CREB5: variants seen among roughly 807,000 people sequenced by gnomAD.
The protein encoded by CREB5 is cAMP responsive element binding protein 5.
Under a neutral mutation model 57.1 loss-of-function variants are expected in CREB5, and 19 were observed. The ratio of observed to expected loss-of-function variants is 0.33; its 90% CI spans 0.23 to 0.49. The LOEUF (loss-of-function observed/expected upper bound fraction) is 0.49, where lower values mean the gene tolerates loss of function less well. Ranked by LOEUF, CREB5 falls within the 20% of genes least tolerant of loss-of-function variation. The pLI, the probability that CREB5 is intolerant of heterozygous loss-of-function variation, is 0.99. For synonymous variants in CREB5, 238 were observed against 238.3 expected (o/e 1.00, Z 0.01); for missense variants, 579 against 671.6 (o/e 0.86, Z 1.52).
chr7:28,673,216 C>G (rs1176130228), intron 5 of CREB5, among the ~76,000 whole-genome samples: 1 of 152,156 alleles, frequency 6.6e-6, no homozygotes, highest in Non-Finnish European at 1.5e-5. Context: ...CTCAAATCTT[C>G]CATTTGTTTG....
chr7:28,665,400 A>G (rs1455799077), intron 5 of CREB5, among the ~76,000 whole-genome samples: 1 of 152,200 alleles, frequency 6.6e-6, no homozygotes, highest in Non-Finnish European at 1.5e-5. Context: ...CCAAACAGTA[A>G]TGAGTCCAAA....
chr7:28,676,160 T>A (rs41346), intron 5 of CREB5, among the ~76,000 whole-genome samples: 1 of 152,080 alleles, frequency 6.6e-6, no homozygotes, highest in African/African-American at 2.4e-5. Flanking sequence ...AAAGAACTAG[T>A]TAGGAGGCCT....
chr7:28,338,008 A>G (rs777188727), intron 1 of CREB5, among the ~76,000 whole-genome samples: 1 of 152,110 alleles, frequency 6.6e-6, no homozygotes, highest in Non-Finnish European at 1.5e-5. Flanking sequence ...AAAATTCTAC[A>G]CTTAACTTCA....
At chr7:28,607,744 TGTGTGTGTGTG>T (rs1797200033) in intron 5 of CREB5, among the ~76,000 whole-genome samples, 8 of 8,144 alleles carry the variant, frequency 9.8e-4, no homozygotes, top group Non-Finnish European at 3.1e-3. Flanking sequence ...GCTGTGTGTG[TGTGTGTGTGTG>T]TGTGTGTGTG....
intron 6 of CREB5, 77 bp from the exon 7 acceptor site, chr7:28,724,145 G>C: frequency 8.0e-7 from 1 of 1,249,556 alleles, no homozygotes; most frequent in Non-Finnish European, 1.1e-6. Context: ...CGATCCATTG[G>C]ACAGAAAAGT....
intron 7 of CREB5, among the ~76,000 whole-genome samples, chr7:28,731,358 T>C (rs1232493883): frequency 1.3e-5 from 2 of 152,234 alleles, no homozygotes; most frequent in Non-Finnish European, 2.9e-5. Flanking sequence ...GAATAAGTTC[T>C]TACAGAGTTT....
At chr7:28,363,770 C>A (rs1393741120) in intron 1 of CREB5, among the ~76,000 whole-genome samples, 1 of 152,168 alleles carries the variant, frequency 6.6e-6, no homozygotes, top group East Asian at 1.9e-4. Flanking sequence ...CATTACCTAG[C>A]TAGGGGACTC....
At chr7:28,521,263 G>A (rs537712415) in intron 4 of CREB5, among the ~76,000 whole-genome samples, 6 of 152,348 alleles carry the variant, frequency 3.9e-5, no homozygotes, top group African/African-American at 1.2e-4. Context: ...TCGGAAGGCC[G>A]TGGATTGGTC....
At chr7:28,363,120 A>T (rs1490708390) in intron 1 of CREB5, among the ~76,000 whole-genome samples, 1 of 152,214 alleles carries the variant, frequency 6.6e-6, no homozygotes, top group Admixed American at 6.5e-5. Context: ...TATGGATGAC[A>T]TTAGTAGAGC....
intron 3 of CREB5, among the ~76,000 whole-genome samples, chr7:28,500,968 G>A (rs1300056031): frequency 6.6e-6 from 1 of 152,076 alleles, no homozygotes; most frequent in Non-Finnish European, 1.5e-5. Context: ...TGCACCAGAG[G>A]GCAGCATGGT....
intron 1 of CREB5, among the ~76,000 whole-genome samples, chr7:28,309,180 C>G (rs1373339172): frequency 6.6e-6 from 1 of 152,142 alleles, no homozygotes; most frequent in East Asian, 1.9e-4. Context: ...TTGCCAGCCT[C>G]CATTATCATG....
chr7:28,704,279 G>A (rs1801999925), intron 5 of CREB5, among the ~76,000 whole-genome samples: 1 of 152,124 alleles, frequency 6.6e-6, no homozygotes, highest in Admixed American at 6.5e-5. Flanking sequence ...TACCTGTCAC[G>A]ATTCCTGGTT....
chr7:28,612,774 C>T (rs1166226592), intron 5 of CREB5, among the ~76,000 whole-genome samples: 2 of 152,040 alleles, frequency 1.3e-5, no homozygotes, highest in African/African-American at 4.8e-5. Flanking sequence ...CAGAAATTAC[C>T]TGTCAGTAGG....
rs2128624449 is a variant in CREB5, at chr7:28,535,284, G to T, written c.291+27547G>T. Reference sequence around the variant, plus strand: ...TACTGGCTGCAAATAGTCCTCTGTGGTTAAACCAATTTCTTTAGGAAAAGT... The same window carrying T: ...TACTGGCTGCAAATAGTCCTCTGTGTTTAAACCAATTTCTTTAGGAAAAGT... On this transcript the variant is annotated intron_variant, in intron 4 of 10. Coordinates refer to ENST00000357727, the MANE Select transcript of CREB5 (RefSeq NM_182898.4). Among the ~76,000 whole-genome samples the T allele has an allele frequency of 1.5e-5, 2 of 129,276 alleles. 1 individual carries two copies. Among genetic ancestry groups the T allele is most frequent in the South Asian group, 5.6e-4 (2 of 3,540 alleles). 84.8% of individuals were successfully genotyped at this position (129,276 alleles called of 152,430 possible).
At chr7:28,775,564 A>ATATATATATATATATATATATC in intron 7 of CREB5, among the ~76,000 whole-genome samples, 1 of 142,714 alleles carries the variant, frequency 7.0e-6, no homozygotes, top group African/African-American at 2.5e-5. Flanking sequence ...ATATATATAT[A>ATATATATATATATATATATATC]TTAGCGTATT....
At chr7:28,363,071 T>C (rs1562675514) in intron 1 of CREB5, among the ~76,000 whole-genome samples, 1 of 152,312 alleles carries the variant, frequency 6.6e-6, no homozygotes, top group Non-Finnish European at 1.5e-5. Context: ...GAAGCAGCCA[T>C]TGTGTATCAC....
chr7:28,312,191 T>A (rs117680705), intron 1 of CREB5, among the ~76,000 whole-genome samples: 9 of 147,302 alleles, frequency 6.1e-5, no homozygotes, highest in Non-Finnish European at 7.5e-5. Flanking sequence ...AGCTAATTGA[T>A]AAAAAAAAAA....
intron 3 of CREB5, among the ~76,000 whole-genome samples, chr7:28,502,111 AG>A: frequency 6.6e-6 from 1 of 152,342 alleles, no homozygotes; most frequent in East Asian, 1.9e-4. Context: ...ACTGCCTTTC[AG>A]GACAGATGCA....
chr7:28,788,160 G>A (rs1562641438), intron 7 of CREB5, among the ~76,000 whole-genome samples: 1 of 152,054 alleles, frequency 6.6e-6, no homozygotes, highest in Admixed American at 6.6e-5. Flanking sequence ...ATTTGCTGTG[G>A]GGCGAGGGGG....
Sources: allele counts gnomAD v4.1 joint callset (sites outside exome capture counted in the v4.1 genomes callset), GRCh38; gene constraint gnomAD v4.1.1; transcripts MANE v1.5; gene names NCBI Gene and HGNC (gene_info 2026-07-23, HGNC 2026-07-21).